CFAP299: variants seen among roughly 807,000 people sequenced by gnomAD.
CFAP299 encodes the protein cilia and flagella associated protein 299.
Under a neutral mutation model 27.0 loss-of-function variants are expected in CFAP299, and 21 were observed. That is an observed-to-expected ratio of 0.78 (90% confidence interval 0.55 to 1.12). The LOEUF (loss-of-function observed/expected upper bound fraction) is 1.12, where lower values mean the gene tolerates loss of function less well. Among genes scored for constraint, CFAP299 ranks in the 50% most tolerant of loss-of-function variants. The probability of loss-of-function intolerance (pLI) is 0.00; values close to 1 mark genes in which losing one functional copy is unlikely to be tolerated. For missense variants in CFAP299, 310 were observed against 276.6 expected (o/e 1.12, Z -0.86); for synonymous variants, 104 against 98.1 (o/e 1.06, Z -0.36).
intron 3 of CFAP299, among the ~76,000 whole-genome samples, chr4:80,678,492 C>T (rs1200015120): frequency 6.6e-6 from 1 of 151,908 alleles, no homozygotes; most frequent in South Asian, 2.1e-4. Context: ...TTACAATAAC[C>T]TTATAATTAT....
At position 80,842,774 on chromosome 4, in the gene CFAP299, G is replaced by A. The variant is rs554290027; in HGVS notation, c.334-27219G>A. 2.0e-5 allele frequency among the ~76,000 whole-genome samples: 3 copies of A among 152,178 alleles called. No individual in the cohort carries two copies. In the East Asian group the frequency reaches 5.8e-4, roughly 29 times the overall value. ...CAGAGATTGCCAACAAAACATCAGA[G>A]TAAGGAATATTTACTAGCCTGAAAT... On this transcript the variant is annotated intron_variant, in intron 3 of 5. Coordinates refer to ENST00000358105, the MANE Select transcript of CFAP299 (RefSeq NM_152770.3).
At chr4:80,548,800 A>G (rs971494930) in intron 2 of CFAP299, among the ~76,000 whole-genome samples, 1 of 152,126 alleles carries the variant, frequency 6.6e-6, no homozygotes, top group Non-Finnish European at 1.5e-5. Flanking sequence ...CTGTATTGTC[A>G]GGTTCTATAA....
intron 3 of CFAP299, among the ~76,000 whole-genome samples, chr4:80,786,282 G>GT (rs1163973166): frequency 3.3e-5 from 5 of 152,060 alleles, no homozygotes; most frequent in African/African-American, 1.2e-4. Context: ...TGGAGAGGAG[G>GT]TAGAAGGGAG....
At chr4:80,716,278 G>A (rs1427987156) in intron 3 of CFAP299, among the ~76,000 whole-genome samples, 3 of 151,836 alleles carry the variant, frequency 2.0e-5, no homozygotes, top group East Asian at 1.9e-4. Context: ...AACAAGGCAC[G>A]TAGTATTTTC....
intron 4 of CFAP299, among the ~76,000 whole-genome samples, chr4:80,933,376 T>C (rs751031924): frequency 6.6e-6 from 1 of 152,118 alleles, no homozygotes; most frequent in Non-Finnish European, 1.5e-5. Context: ...AGGTTCCACA[T>C]ATAAGTGAGA....
At chr4:80,465,381 C>T (rs1729651181) in intron 2 of CFAP299, among the ~76,000 whole-genome samples, 1 of 152,080 alleles carries the variant, frequency 6.6e-6, no homozygotes, top group Non-Finnish European at 1.5e-5. Flanking sequence ...AGTCTCAGAG[C>T]CCTGGAATGC....
At chr4:80,396,747 TA>T (rs1725818523) in intron 2 of CFAP299, among the ~76,000 whole-genome samples, 2 of 152,224 alleles carry the variant, frequency 1.3e-5, no homozygotes, top group African/African-American at 4.8e-5. Flanking sequence ...TCATGGTGGA[TA>T]AGCTTTTTGA....
At position 80,545,758 on chromosome 4, in the gene CFAP299, A is replaced by G. The variant is rs368203340; in HGVS notation, c.243-37335A>G. On this transcript the variant is annotated intron_variant, in intron 2 of 5. Coordinates refer to ENST00000358105, the MANE Select transcript of CFAP299 (RefSeq NM_152770.3). ...TAACTCATCCTCTGAAGCAAGCATC[A>G]TTCTGATACCAAAGCCTGACAGAGA... Among the ~76,000 whole-genome samples, 5 of 152,344 alleles carry G rather than the reference A, an allele frequency of 3.3e-5. No homozygotes were observed. In the South Asian group the frequency reaches 1.0e-3, roughly 32 times the overall value.
chr4:80,712,233 A>G (rs1722218359), intron 3 of CFAP299, among the ~76,000 whole-genome samples: 1 of 152,220 alleles, frequency 6.6e-6, no homozygotes, highest in Admixed American at 6.5e-5. Flanking sequence ...CCTCAGAACC[A>G]TTCCTTCTCA....
chr4:80,524,337 G>C (rs1733067052), intron 2 of CFAP299, among the ~76,000 whole-genome samples: 1 of 151,994 alleles, frequency 6.6e-6, no homozygotes, highest in Non-Finnish European at 1.5e-5. Context: ...AACTAGCCCA[G>C]AGTTTCTCAG....
chr4:80,892,266 T>A (rs1430101132), intron 4 of CFAP299, among the ~76,000 whole-genome samples: 1 of 152,090 alleles, frequency 6.6e-6, no homozygotes, highest in East Asian at 1.9e-4. Flanking sequence ...GAAAAGGCAG[T>A]CTGTTGAATA....
chr4:80,515,684 C>A (rs1423095026), intron 2 of CFAP299, among the ~76,000 whole-genome samples: 2 of 152,136 alleles, frequency 1.3e-5, no homozygotes, highest in East Asian at 3.9e-4. Flanking sequence ...GATTCCAATG[C>A]ATCATGGAAT....
intron 3 of CFAP299, among the ~76,000 whole-genome samples, chr4:80,785,486 G>A (rs1727191240): frequency 6.6e-6 from 1 of 152,054 alleles, no homozygotes; most frequent in Admixed American, 6.6e-5. Flanking sequence ...AGATACTCTA[G>A]TAACCTTTGG....
At chr4:80,423,110 A>G (rs1433037573) in intron 2 of CFAP299, among the ~76,000 whole-genome samples, 1 of 152,240 alleles carries the variant, frequency 6.6e-6, no homozygotes, top group Non-Finnish European at 1.5e-5. Flanking sequence ...AGGCAGCTCC[A>G]TTATAATCTT....
At chr4:80,646,356 T>G (rs767107655) in intron 3 of CFAP299, among the ~76,000 whole-genome samples, 4 of 152,298 alleles carry the variant, frequency 2.6e-5, no homozygotes, top group Non-Finnish European at 5.9e-5. Context: ...CTGAACAGTA[T>G]CCACCAGTGC....
chr4:80,690,451 C>A (rs1188290036), intron 3 of CFAP299, among the ~76,000 whole-genome samples: 2 of 152,028 alleles, frequency 1.3e-5, no homozygotes, highest in African/African-American at 4.8e-5. Context: ...CTACTGGGTA[C>A]ATAACGAAAT....
At chr4:80,733,105 A>C (rs1723634888) in intron 3 of CFAP299, among the ~76,000 whole-genome samples, 1 of 152,124 alleles carries the variant, frequency 6.6e-6, no homozygotes, top group Non-Finnish European at 1.5e-5. Context: ...TGAGGTCTAC[A>C]TATATCTACC....
chr4:80,395,839 A>G (rs1187299631), intron 2 of CFAP299, among the ~76,000 whole-genome samples: 3 of 152,320 alleles, frequency 2.0e-5, no homozygotes, highest in Middle Eastern at 3.4e-3. Flanking sequence ...AGTAGTAAAC[A>G]TTCTTCAAAA....
intron 3 of CFAP299, among the ~76,000 whole-genome samples, chr4:80,612,123 C>A (rs1738015738): frequency 6.6e-6 from 1 of 151,766 alleles, no homozygotes; most frequent in Non-Finnish European, 1.5e-5. Flanking sequence ...TCCATACAAA[C>A]ACATAACCTC....
Sources: allele counts gnomAD v4.1 joint callset (sites outside exome capture counted in the v4.1 genomes callset), GRCh38; gene constraint gnomAD v4.1.1; transcripts MANE v1.5; gene names NCBI Gene and HGNC (gene_info 2026-07-23, HGNC 2026-07-21).